The following MLLT3 variants were observed in gnomAD, a reference collection of about 807,000 sequenced individuals.
MLLT3 encodes the protein protein AF-9.
MLLT3 carries 4 observed loss-of-function variants against 53.2 expected under a neutral mutation model. The observed-to-expected ratio is 0.08, with a 90% CI of 0.04 to 0.17. The LOEUF (loss-of-function observed/expected upper bound fraction) is 0.17. Ranked by LOEUF, MLLT3 falls within the 10% of genes least tolerant of loss-of-function variation. The pLI is 1.00. For synonymous variants in MLLT3, 283 were observed against 230.6 expected, an observed-to-expected ratio of 1.23 and a Z score of -2.06; for missense variants, 569 against 684.0, an observed-to-expected ratio of 0.83 and a Z score of 1.87.
chr9:20,359,930 C>A (rs547878266), intron 8 of MLLT3, among the ~76,000 whole-genome samples: 178 of 152,234 alleles, frequency 1.2e-3, no homozygotes, highest in African/African-American at 4.0e-3. Flanking sequence ...ATTCATGATA[C>A]TGAAAATAGT....
intron 4 of MLLT3, among the ~76,000 whole-genome samples, chr9:20,424,483 T>C (rs951041881): frequency 6.6e-6 from 1 of 152,134 alleles, no homozygotes; most frequent in Non-Finnish European, 1.5e-5. Context: ...TCAAATCACA[T>C]AAATAATCAC....
intron 5 of MLLT3, among the ~76,000 whole-genome samples, chr9:20,403,334 G>A (rs1822503112): frequency 1.3e-5 from 2 of 152,172 alleles, no homozygotes; most frequent in African/African-American, 2.4e-5. Flanking sequence ...CCTAAGCCTT[G>A]AGAGGTTTTC....
chr9:20,473,454 A>G (rs549720350), intron 2 of MLLT3, among the ~76,000 whole-genome samples: 1 of 152,266 alleles, frequency 6.6e-6, no homozygotes, highest in East Asian at 1.9e-4. Context: ...AATGTTCAAG[A>G]GTAAAATTAT....
chr9:20,528,006 T>A (rs565305851), intron 2 of MLLT3, among the ~76,000 whole-genome samples: 1 of 152,358 alleles, frequency 6.6e-6, no homozygotes, highest in Non-Finnish European at 1.5e-5. Flanking sequence ...CCCAGTGCAA[T>A]AGAAGTTTAT....
chr9:20,359,664 C>T (rs1329818569), intron 8 of MLLT3, among the ~76,000 whole-genome samples: 1 of 152,188 alleles, frequency 6.6e-6, no homozygotes. Flanking sequence ...AAGAAAAAGT[C>T]TTCAGCTCTA....
chr9:20,438,618 T>C (rs1823465774), intron 4 of MLLT3, among the ~76,000 whole-genome samples: 1 of 152,102 alleles, frequency 6.6e-6, no homozygotes, highest in Non-Finnish European at 1.5e-5. Flanking sequence ...TTATTTTTTG[T>C]AGAGACAGGT....
rs575290552 is a variant in MLLT3, at chr9:20,371,015, A to G, written c.1126-5271T>C. Among the ~76,000 whole-genome samples, 15 of 152,332 alleles carry G rather than the reference A, an allele frequency of 9.8e-5. 1 individual carries two copies. The East Asian group carries it at 2.9e-3, about 29-fold the overall frequency. On this transcript the variant is annotated intron_variant, in intron 5 of 10. Transcript: ENST00000380338. The stretch of plus-strand genomic sequence containing the variant: ...GAAGCAAAACAGCCTTATTGCTGAT[A>G]TGGAGAAAGTTGTAGTGGTCTGGAT...
chr9:20,581,867 C>CTA (rs959300300), intron 2 of MLLT3, among the ~76,000 whole-genome samples: 2 of 152,180 alleles, frequency 1.3e-5, no homozygotes, highest in African/African-American at 4.8e-5. Context: ...CTCTATATCA[C>CTA]TATTTAAGGA....
chr9:20,363,400 C>G, intron 7 of MLLT3, 76 bp downstream of exon 7: 2 of 1,552,386 alleles, frequency 1.3e-6, no homozygotes, highest in Non-Finnish European at 8.7e-7. Flanking sequence ...CACACCTTTG[C>G]TGTGATTATC....
chr9:20,613,404 G>A (rs908649119), intron 2 of MLLT3, among the ~76,000 whole-genome samples: 1 of 152,102 alleles, frequency 6.6e-6, no homozygotes, highest in Non-Finnish European at 1.5e-5. Context: ...TAAATAGAAT[G>A]GAAGACAGAC....
At chr9:20,575,846 A>G (rs1172219854) in intron 2 of MLLT3, among the ~76,000 whole-genome samples, 1 of 152,230 alleles carries the variant, frequency 6.6e-6, no homozygotes, top group Non-Finnish European at 1.5e-5. Context: ...GTAAACGAGC[A>G]CTGGCTTCAA....
intron 8 of MLLT3, among the ~76,000 whole-genome samples, chr9:20,359,577 G>A (rs1181205170): frequency 6.6e-6 from 1 of 152,216 alleles, no homozygotes; most frequent in African/African-American, 2.4e-5. Flanking sequence ...GAACGGATTT[G>A]CATTATAGAC....
Position 20,457,496 on chromosome 9 carries a change from G to A in MLLT3, c.194-710C>T, listed in dbSNP as rs374748874. ...ACTCCCGACCTCAGGTGATCTGTCC[G>A]CCTCAGCCTCCCAAAGTGTAGGGAT... On this transcript the variant is annotated intron_variant, in intron 2 of 10. Transcript: ENST00000380338. Among the ~76,000 whole-genome samples the A allele has an allele frequency of 2.5e-4, 38 of 151,828 alleles. 1 individual carries two copies. The South Asian group carries it at 7.1e-3, about 28-fold the overall frequency.
At chr9:20,568,912 T>G (rs1380835671) in intron 2 of MLLT3, among the ~76,000 whole-genome samples, 1 of 152,106 alleles carries the variant, frequency 6.6e-6, no homozygotes, top group Non-Finnish European at 1.5e-5. Flanking sequence ...GGAGTAGGGA[T>G]TCCAAGAATT....
Position 20,454,946 on chromosome 9 carries a change from C to G in MLLT3, c.276+1758G>C, listed in dbSNP as rs571186682. Among the ~76,000 whole-genome samples the G allele has an allele frequency of 2.0e-5, 3 of 152,206 alleles. No individual in the cohort carries two copies. In the East Asian group the frequency reaches 5.8e-4, roughly 29 times the overall value. On this transcript the variant is annotated intron_variant, in intron 3 of 10. Coordinates refer to ENST00000380338, the MANE Select transcript of MLLT3 (RefSeq NM_004529.4). ...AAACTCATAAATCATCAAAGAAATG[C>G]ACATAAAACCAAAATGAGGTATACT...
At chr9:20,467,996 G>A (rs1456815993) in intron 2 of MLLT3, among the ~76,000 whole-genome samples, 1 of 152,182 alleles carries the variant, frequency 6.6e-6, no homozygotes, top group Non-Finnish European at 1.5e-5. Context: ...TAGTGGTCGA[G>A]AGCCAGAGCC....
intron 3 of MLLT3, among the ~76,000 whole-genome samples, chr9:20,450,801 C>T (rs984329050): frequency 6.6e-6 from 1 of 152,148 alleles, no homozygotes; most frequent in Non-Finnish European, 1.5e-5. Flanking sequence ...ATCTGTCTAT[C>T]CTCTAAGTTA....
intron 2 of MLLT3, among the ~76,000 whole-genome samples, chr9:20,476,066 T>G (rs1334933374): frequency 6.6e-6 from 1 of 152,016 alleles, no homozygotes; most frequent in Non-Finnish European, 1.5e-5. Flanking sequence ...GTTTTTTTTG[T>G]GTATTTTTTT....
intron 5 of MLLT3, among the ~76,000 whole-genome samples, chr9:20,369,313 G>C (rs959181376): frequency 6.6e-6 from 1 of 152,144 alleles, no homozygotes; most frequent in Non-Finnish European, 1.5e-5. Context: ...GAAAACTACA[G>C]GATGAGGCCA....
Sources: allele counts gnomAD v4.1 joint callset (sites outside exome capture counted in the v4.1 genomes callset), GRCh38; gene constraint gnomAD v4.1.1; transcripts MANE v1.5; gene names NCBI Gene and HGNC (gene_info 2026-07-23, HGNC 2026-07-21).